Variants in ARL15 observed in about 807,000 individuals in gnomAD.
The protein encoded by ARL15 is ARF like GTPase 15.
ARL15 carries 19 observed loss-of-function variants against 25.2 expected under a neutral mutation model. The ratio of observed to expected loss-of-function variants is 0.75; its 90% CI spans 0.53 to 1.10. ARL15 has a LOEUF of 1.10. Among genes scored for constraint, ARL15 ranks in the 50% least tolerant of loss-of-function variants. The pLI, the probability that ARL15 is intolerant of heterozygous loss-of-function variation, is 0.00. For missense variants in ARL15, 220 were observed against 246.0 expected, an observed-to-expected ratio of 0.89 and a Z score of 0.71; for synonymous variants, 94 against 86.8, an observed-to-expected ratio of 1.08 and a Z score of -0.46.
At chr5:53,948,454 C>T (rs568919582) in intron 4 of ARL15, among the ~76,000 whole-genome samples, 8 of 152,212 alleles carry the variant, frequency 5.3e-5, no homozygotes, top group African/African-American at 1.9e-4. Flanking sequence ...TCGGTATTTG[C>T]GTAACAGTGG....
At chr5:54,279,726 G>C (rs1324363053) in intron 1 of ARL15, among the ~76,000 whole-genome samples, 2 of 152,196 alleles carry the variant, frequency 1.3e-5, no homozygotes, top group East Asian at 3.9e-4. Context: ...CAGGGACAGA[G>C]ACTGAACACC....
intron 1 of ARL15, among the ~76,000 whole-genome samples, chr5:54,197,555 C>G (rs542516550): frequency 6.6e-6 from 1 of 152,250 alleles, no homozygotes; most frequent in South Asian, 2.1e-4. Flanking sequence ...GGGGGAAATG[C>G]AAGTCCAAAC....
At chr5:53,955,445 G>T (rs1040579403) in intron 4 of ARL15, among the ~76,000 whole-genome samples, 3 of 152,102 alleles carry the variant, frequency 2.0e-5, no homozygotes, top group Non-Finnish European at 2.9e-5. Context: ...GTTTAAGAAA[G>T]AATTTTTCGA....
At chr5:53,985,388 C>T (rs1476348572) in intron 4 of ARL15, among the ~76,000 whole-genome samples, 2 of 152,158 alleles carry the variant, frequency 1.3e-5, no homozygotes, top group East Asian at 3.8e-4. Context: ...GTTGTGCAAC[C>T]ATCACCACCA....
chr5:53,936,450 T>C (rs980840082), intron 4 of ARL15, among the ~76,000 whole-genome samples: 3 of 152,206 alleles, frequency 2.0e-5, no homozygotes, highest in African/African-American at 7.2e-5. Context: ...TATGACACTA[T>C]TGTCTAGCTT....
chr5:54,009,236 T>C (rs1749151971), intron 4 of ARL15, among the ~76,000 whole-genome samples: 1 of 152,214 alleles, frequency 6.6e-6, no homozygotes, highest in Admixed American at 6.5e-5. Flanking sequence ...CTTTCGACTT[T>C]TTAATCATTT....
intron 4 of ARL15, among the ~76,000 whole-genome samples, chr5:53,904,253 C>T (rs1441194904): frequency 6.6e-6 from 1 of 152,202 alleles, no homozygotes; most frequent in Non-Finnish European, 1.5e-5. Flanking sequence ...CCAGTGGACA[C>T]ATCACCCTGA....
intron 1 of ARL15, among the ~76,000 whole-genome samples, chr5:54,218,977 C>G (rs563268663): frequency 3.6e-4 from 44 of 121,080 alleles, no homozygotes; most frequent in African/African-American, 1.3e-3. Context: ...GGAAAAACTG[C>G]TACTGCTGTT....
chr5:54,175,797 T>A (rs1482302748), intron 1 of ARL15, among the ~76,000 whole-genome samples: 1 of 151,632 alleles, frequency 6.6e-6, no homozygotes, highest in Non-Finnish European at 1.5e-5. Context: ...GGATTACAAG[T>A]GTGCACCACC....
chr5:53,997,288 C>G (rs924524312), intron 4 of ARL15, among the ~76,000 whole-genome samples: 1 of 152,168 alleles, frequency 6.6e-6, no homozygotes, highest in African/African-American at 2.4e-5. Flanking sequence ...TTCTTCATTT[C>G]TTGATATGTG....
chr5:53,907,100 A>G (rs891934235), intron 4 of ARL15, among the ~76,000 whole-genome samples: 4 of 151,904 alleles, frequency 2.6e-5, no homozygotes, highest in African/African-American at 9.7e-5. Context: ...GCCATCCTTG[A>G]ATGGTTTCAT....
intron 3 of ARL15, among the ~76,000 whole-genome samples, chr5:54,146,489 A>G (rs1369981745): frequency 4.6e-5 from 7 of 152,222 alleles, no homozygotes; most frequent in Admixed American, 1.3e-4. Context: ...GTTAGAGGAA[A>G]ATACTGGTCT....
rs956648053 is a variant in ARL15 at position 53,970,109 on chromosome 5, C to G, written c.463-83396G>C. ...CATAGATGAAGTTTGAGAGGAAACT[C>G]CCCCCAAATGATATCAAATGTGGCT... is the stretch of plus-strand genomic sequence containing the variant. On this transcript the variant is annotated intron_variant, in intron 4 of 4. Transcript: ENST00000504924. 3.3e-5 allele frequency among the ~76,000 whole-genome samples: 5 copies of G among 152,078 alleles called. No individual in the cohort carries two copies. The East Asian group carries it at 9.7e-4, about 29-fold the overall frequency.
chr5:54,004,845 C>T (rs1295979018), intron 4 of ARL15, among the ~76,000 whole-genome samples: 1 of 151,930 alleles, frequency 6.6e-6, no homozygotes, highest in Non-Finnish European at 1.5e-5. Flanking sequence ...TCAATGAGTT[C>T]ACATACAGAA....
intron 4 of ARL15, among the ~76,000 whole-genome samples, chr5:54,059,572 G>A (rs926360282): frequency 6.6e-6 from 1 of 152,140 alleles, no homozygotes; most frequent in Admixed American, 6.5e-5. Flanking sequence ...TTGAGAAAAT[G>A]TGAGAAAGAA....
intron 1 of ARL15, among the ~76,000 whole-genome samples, chr5:54,173,808 C>T (rs921227957): frequency 6.6e-6 from 1 of 152,158 alleles, no homozygotes; most frequent in African/African-American, 2.4e-5. Flanking sequence ...GTCTACCCCA[C>T]ACTCCATGAT....
chr5:53,968,558 G>T (rs1210760498), intron 4 of ARL15, among the ~76,000 whole-genome samples: 1 of 152,118 alleles, frequency 6.6e-6, no homozygotes, highest in East Asian at 1.9e-4. Flanking sequence ...TAGCCAGAAA[G>T]TAATATTTAC....
chr5:54,270,582 A>G (rs1001952189), intron 1 of ARL15, among the ~76,000 whole-genome samples: 3 of 152,210 alleles, frequency 2.0e-5, no homozygotes, highest in African/African-American at 7.2e-5. Flanking sequence ...AACATGCCAG[A>G]CACTTATCTA....
chr5:54,028,829 T>C (rs1178161769), intron 4 of ARL15, among the ~76,000 whole-genome samples: 1 of 152,078 alleles, frequency 6.6e-6, no homozygotes, highest in African/African-American at 2.4e-5. Context: ...ACCATCAACA[T>C]AGCACGACCC....
Sources: gnomAD v4.1 joint callset for allele counts (sites outside exome capture counted in the v4.1 genomes callset) on GRCh38, gnomAD v4.1.1 for gene constraint, MANE v1.5 for transcripts, NCBI Gene and HGNC (gene_info 2026-07-23, HGNC 2026-07-21) for gene names.